Variants in CADPS observed in about 807,000 individuals in gnomAD.
CADPS encodes the protein calcium-dependent secretion activator 1.
In CADPS, 57 loss-of-function variants were observed where a neutral mutation model predicts 167.3. That is an observed-to-expected ratio of 0.34 (90% CI 0.28 to 0.42). CADPS has a LOEUF of 0.42. CADPS is among the 20% of genes least tolerant of loss of function. The pLI, the probability that CADPS is intolerant of heterozygous loss-of-function variation, is 1.00. For synonymous variants in CADPS, 676 were observed against 635.3 expected, an observed-to-expected ratio of 1.06 and a Z score of -0.96; for missense variants, 1,414 against 1,738.1, an observed-to-expected ratio of 0.81 and a Z score of 3.32.
At chr3:62,575,926 T>C (rs959242431) in intron 8 of CADPS, among the ~76,000 whole-genome samples, 5 of 152,208 alleles carry the variant, frequency 3.3e-5, no homozygotes, top group Non-Finnish European at 7.3e-5. Context: ...ATTTGGCACA[T>C]ACCAGAAGGT....
At chr3:62,789,259 C>T (rs1020291809) in intron 1 of CADPS, among the ~76,000 whole-genome samples, 14 of 152,098 alleles carry the variant, frequency 9.2e-5, no homozygotes, top group African/African-American at 2.9e-4. Flanking sequence ...GAGAAATAAG[C>T]ACTGCTATTA....
At chr3:62,680,401 T>C (rs926128131) in intron 3 of CADPS, among the ~76,000 whole-genome samples, 1 of 152,056 alleles carries the variant, frequency 6.6e-6, no homozygotes, top group African/African-American at 2.4e-5. Context: ...GAATTATCTA[T>C]TGTTATAAAT....
chr3:62,552,718 G>A (rs1446746739), intron 10 of CADPS, among the ~76,000 whole-genome samples: 4 of 152,148 alleles, frequency 2.6e-5, no homozygotes, highest in Non-Finnish European at 5.9e-5. Context: ...GCGTGGGTGT[G>A]TATTGATAGT....
chr3:62,667,683 A>T (rs980226970), intron 3 of CADPS, among the ~76,000 whole-genome samples: 2 of 152,006 alleles, frequency 1.3e-5, no homozygotes, highest in African/African-American at 4.8e-5. Context: ...ATGCAGCCCC[A>T]CATTCCCAAA....
chr3:62,473,141 C>A (rs2060828205), intron 24 of CADPS, among the ~76,000 whole-genome samples: 2 of 151,580 alleles, frequency 1.3e-5, no homozygotes, highest in South Asian at 2.1e-4. Flanking sequence ...ACCAAGGGCA[C>A]CCTGAATTTG....
chr3:62,856,625 G>A (rs1458440104), intron 1 of CADPS, among the ~76,000 whole-genome samples: 2 of 151,832 alleles, frequency 1.3e-5, no homozygotes, highest in Non-Finnish European at 2.9e-5. Context: ...CATAGTTATG[G>A]TACAGGAAGA....
chr3:62,673,686 G>T (rs1356945875), intron 3 of CADPS, among the ~76,000 whole-genome samples: 1 of 151,988 alleles, frequency 6.6e-6, no homozygotes, highest in Non-Finnish European at 1.5e-5. Flanking sequence ...TATTTTCATT[G>T]CCATTCGTTT....
chr3:62,470,195 G>T (rs1321789551), intron 24 of CADPS, among the ~76,000 whole-genome samples: 1 of 152,186 alleles, frequency 6.6e-6, no homozygotes, highest in Non-Finnish European at 1.5e-5. Flanking sequence ...GCCTTTACAT[G>T]TGATATTACC....
intron 13 of CADPS, chr3:62,530,902 A>G: frequency 1.7e-6 from 1 of 582,932 alleles, no homozygotes; most frequent in Non-Finnish European, 2.2e-6. Flanking sequence ...CAAACAAAAG[A>G]AAGAAAAAGA....
chr3:62,722,841 C>T (rs1229989463), intron 3 of CADPS, among the ~76,000 whole-genome samples: 3 of 152,126 alleles, frequency 2.0e-5, no homozygotes, highest in East Asian at 1.9e-4. Flanking sequence ...TGGTGGGGGC[C>T]GTGAGGGTCC....
At chr3:62,674,750 G>GAGCTGCTTAAAGA (rs1432449177) in intron 3 of CADPS, among the ~76,000 whole-genome samples, 2 of 152,086 alleles carry the variant, frequency 1.3e-5, no homozygotes, top group African/African-American at 4.8e-5. Flanking sequence ...AATGCACAAA[G>GAGCTGCTTAAAGA]GTATCAGGGG....
At chr3:62,671,058 A>G (rs1377849892) in intron 3 of CADPS, among the ~76,000 whole-genome samples, 1 of 152,144 alleles carries the variant, frequency 6.6e-6, no homozygotes, top group Non-Finnish European at 1.5e-5. Flanking sequence ...ACATTGGACA[A>G]TCTACTAAGC....
intron 1 of CADPS, among the ~76,000 whole-genome samples, chr3:62,853,959 AAAAT>A (rs750321686): frequency 7.9e-5 from 12 of 152,232 alleles, no homozygotes; most frequent in African/African-American, 2.6e-4. Flanking sequence ...CTGTCACATT[AAAAT>A]AAATAAATAA....
At chr3:62,682,165 G>T (rs2077243251) in intron 3 of CADPS, among the ~76,000 whole-genome samples, 1 of 152,084 alleles carries the variant, frequency 6.6e-6, no homozygotes, top group Non-Finnish European at 1.5e-5. Flanking sequence ...CTACTTCACA[G>T]TTCACAGATT....
chr3:62,813,381 A>G (rs1035938318), intron 1 of CADPS, among the ~76,000 whole-genome samples: 1 of 152,144 alleles, frequency 6.6e-6, no homozygotes, highest in African/African-American at 2.4e-5. Context: ...TCCTTGTACA[A>G]TAAGTGGTGC....
At chr3:62,485,107 T>C (rs2062604590) in intron 21 of CADPS, among the ~76,000 whole-genome samples, 1 of 152,144 alleles carries the variant, frequency 6.6e-6, no homozygotes, top group Non-Finnish European at 1.5e-5. Context: ...TGTTTATGTA[T>C]TATATGTAGA....
At chr3:62,837,874 G>C (rs2076117910) in intron 1 of CADPS, among the ~76,000 whole-genome samples, 1 of 152,130 alleles carries the variant, frequency 6.6e-6, no homozygotes, top group South Asian at 2.1e-4. Context: ...GCAAGTCCAA[G>C]TACTGCCACA....
intron 10 of CADPS, among the ~76,000 whole-genome samples, chr3:62,552,275 GT>G (rs2077436268): frequency 6.6e-6 from 1 of 151,432 alleles, no homozygotes; most frequent in African/African-American, 2.4e-5. Flanking sequence ...TATACCTAAT[GT>G]TAAATGACGA....
intron 3 of CADPS, among the ~76,000 whole-genome samples, chr3:62,715,912 AT>A (rs2084466295): frequency 2.7e-5 from 4 of 150,758 alleles, no homozygotes; most frequent in Middle Eastern, 3.4e-3. Context: ...CACCTGGCTA[AT>A]TTTTTGTATT....
Sources: allele counts gnomAD v4.1 joint callset (sites outside exome capture counted in the v4.1 genomes callset), GRCh38; gene constraint gnomAD v4.1.1; transcripts MANE v1.5; gene names NCBI Gene and HGNC (gene_info 2026-07-23, HGNC 2026-07-21).